Variants in CUL1 observed in about 807,000 individuals in gnomAD.
The protein encoded by CUL1 is cullin 1.
CUL1 carries 24 observed loss-of-function variants against 118.0 expected under a neutral mutation model. The observed-to-expected ratio is 0.20, with a 90% CI of 0.15 to 0.29. CUL1 has a LOEUF of 0.29. Ranked by LOEUF, CUL1 falls within the 10% of genes least tolerant of loss-of-function variation. The pLI is 1.00. For synonymous variants in CUL1, 332 were observed against 340.4 expected (o/e 0.98, Z 0.27); for missense variants, 361 against 933.8 (o/e 0.39, Z 7.99).
rs1413917249 is a variant in CUL1 at position 148,739,363 on chromosome 7, T to A, written c.140+9101T>A. ...CTAAGACTGTGTGTCATCAGAGCTA[T>A]ATAAGATCTGCTTTCACTCCTGCCT... On this transcript the variant is annotated intron_variant, in intron 2 of 21. Coordinates refer to ENST00000325222, the MANE Select transcript of CUL1 (RefSeq NM_003592.3). Among the ~76,000 whole-genome samples the A allele has an allele frequency of 3.9e-5, 6 of 152,216 alleles. No homozygotes were observed. The East Asian group carries it at 1.2e-3, about 29-fold the overall frequency.
At chr7:148,796,158 G>T (rs1218232754) in intron 17 of CUL1, among the ~76,000 whole-genome samples, 1 of 152,130 alleles carries the variant, frequency 6.6e-6, no homozygotes, top group Non-Finnish European at 1.5e-5. Context: ...GACTAAAGAG[G>T]TTCCCTTTTA....
At chr7:148,725,198 T>TACACACACACACACACACAC (rs147863334) in intron 1 of CUL1, among the ~76,000 whole-genome samples, 7 of 106,752 alleles carry the variant, frequency 6.6e-5, no homozygotes, top group African/African-American at 2.2e-4. Context: ...TGCGCGCGTG[T>TACACACACACACACACACAC]ACACACACAC....
intron 1 of CUL1, 92 bp downstream of exon 1, chr7:148,699,121 G>C (rs1349024408): frequency 6.5e-6 from 1 of 152,828 alleles, no homozygotes; most frequent in Non-Finnish European, 1.5e-5. Context: ...CAGTGACTCG[G>C]GCCGCGACGG....
chr7:148,760,954 G>A (rs1234104436), intron 7 of CUL1, among the ~76,000 whole-genome samples: 6 of 152,144 alleles, frequency 3.9e-5, no homozygotes, highest in Non-Finnish European at 8.8e-5. Flanking sequence ...ATGAGAGGAC[G>A]GCTGTCCTCC....
chr7:148,787,242 C>G lies in CUL1; in HGVS notation c.1479+122C>G, dbSNP rs959768091. The G allele has an allele frequency of 2.0e-5, 19 of 930,050 alleles. No individual in the cohort carries two copies. The highest frequency in any genetic ancestry group is 2.7e-5 in the Non-Finnish European group (17 of 626,560). 57.6% of individuals were successfully genotyped at this position (930,050 alleles called of 1,614,324 possible). On this transcript the variant is annotated intron_variant, in intron 13 of 21. Coordinates refer to ENST00000325222, the MANE Select transcript of CUL1 (RefSeq NM_003592.3). This position sits in a 1 kb window ranked among gnomAD's most constrained non-coding sequence, Gnocchi z 5.5. ...CTTTGGGAGGCCGAGGCGGGCAGAT[C>G]ACGAGGTCAGGAGATCGAGACCATC...
chr7:148,730,907 A>G (rs894604246), intron 2 of CUL1, among the ~76,000 whole-genome samples: 15 of 152,148 alleles, frequency 9.9e-5, no homozygotes, highest in African/African-American at 3.6e-4. Context: ...AACTACCTGC[A>G]CTCAAGCAAT....
Position 148,790,378 on chromosome 7 carries a change from G to A in CUL1, c.1743G>A (p.Trp581Ter), listed in dbSNP as rs752032968. 1 of 1,614,058 alleles carries A rather than the reference G, an allele frequency of 6.2e-7. No homozygotes were observed. The highest frequency in any genetic ancestry group is 8.5e-7 in the Non-Finnish European group (1 of 1,179,928). Residue 581 changes from tryptophan to a stop codon, truncating the protein, a stop_gained, in exon 16 of 22, where the codon TGG becomes TGA. Transcript: ENST00000325222. LOFTEE classifies it high-confidence loss of function. ...ASRHSGRKLT[W>*]LYQLSKGELV... ...GCCACAGTGGCCGAAAATTGACGTG[G>A]TTATATCAGTTGTCTAAAGGAGAAT...
chr7:148,788,788 C>A, intron 14 of CUL1, 114 bp downstream of exon 14: 1 of 739,582 alleles, frequency 1.4e-6, no homozygotes, highest in East Asian at 2.5e-5. Context: ...AATTCAAGAA[C>A]TAAGAAGCGG....
At chr7:148,766,144 T>C (rs1424419060) in intron 7 of CUL1, among the ~76,000 whole-genome samples, 1 of 152,244 alleles carries the variant, frequency 6.6e-6, no homozygotes, top group Non-Finnish European at 1.5e-5. Context: ...CTTTCTGTTT[T>C]TTGAGAAACG....
Position 148,767,740 on chromosome 7 carries a change from T to G in CUL1, c.1074T>G (p.Ala358=), listed in dbSNP as rs1800053970. ...CAGCCATTGAAAAGTGTGGAGAAGC[T>G]GCTTTAAATGTAAGTGAGATTTCAT... The part of the protein sequence containing the change: ...GLAAIEKCGE[A]ALNDPKMYVQ... Residue 358 remains alanine, a synonymous_variant, in exon 9 of 22, where the codon GCT becomes GCG. Transcript: ENST00000325222. The G allele has an allele frequency of 6.2e-7, 1 of 1,612,192 alleles. No homozygotes were observed. The highest frequency in any genetic ancestry group is 2.2e-5 in the East Asian group (1 of 44,822).
chr7:148,768,976 C>A (rs191648333), intron 9 of CUL1, among the ~76,000 whole-genome samples: 1 of 151,892 alleles, frequency 6.6e-6, no homozygotes, highest in Non-Finnish European at 1.5e-5. Context: ...CTGGCTCAGC[C>A]GTGGATTTTA....
chr7:148,795,541 C>T (rs986818818), intron 17 of CUL1, among the ~76,000 whole-genome samples: 5 of 151,896 alleles, frequency 3.3e-5, no homozygotes, highest in African/African-American at 4.8e-5. Context: ...CCGAGGCGGG[C>T]GGATCACGAG....
At chr7:148,732,758 C>T (rs1051394602) in intron 2 of CUL1, among the ~76,000 whole-genome samples, 13 of 152,090 alleles carry the variant, frequency 8.5e-5, no homozygotes, top group African/African-American at 2.4e-4. Context: ...TTCTTGTATT[C>T]TACAAATAAT....
Position 148,722,936 on chromosome 7 carries a change from T to C in CUL1, c.-161-7026T>C, listed in dbSNP as rs1019781654. On this transcript the variant is annotated intron_variant, in intron 1 of 21. Coordinates refer to ENST00000325222, the MANE Select transcript of CUL1 (RefSeq NM_003592.3). ...CCTAATCATGCCCTTTGCAGCCTTC[T>C]TACTCCTTCACAGCCCACATGCTCA... is the stretch of plus-strand genomic sequence containing the variant. Among the ~76,000 whole-genome samples the C allele has an allele frequency of 5.9e-5, 9 of 152,248 alleles. No homozygotes were observed. The South Asian group carries it at 1.2e-3, about 21-fold the overall frequency.
In CUL1 at chr7:148,751,551, A is replaced by AC. The variant is rs796743366; in HGVS notation, c.141-2425_141-2424insC. ...CTCTGTCTCAAAAAAAAAAAAAAAA[A>AC]AAACCTCTCTTGTCACTTTGTCACT... On this transcript the variant is annotated intron_variant, in intron 2 of 21. Coordinates refer to ENST00000325222, the MANE Select transcript of CUL1 (RefSeq NM_003592.3). Among the ~76,000 whole-genome samples the AC allele has an allele frequency of 1.8e-3, 263 of 148,992 alleles. 2 individuals carry two copies. Among genetic ancestry groups the AC allele is most frequent in the South Asian group, 6.2e-3 (29 of 4,686 alleles).
At chr7:148,712,845 T>C (rs1798092976) in intron 1 of CUL1, among the ~76,000 whole-genome samples, 1 of 152,210 alleles carries the variant, frequency 6.6e-6, no homozygotes, top group African/African-American at 2.4e-5. Flanking sequence ...CGCATTTCCA[T>C]ATTAGCTGTT....
chr7:148,783,258 T>A (rs996417613), intron 9 of CUL1: 15 of 890,650 alleles, frequency 1.7e-5, no homozygotes, highest in Non-Finnish European at 2.0e-5. Flanking sequence ...CCTCTTCCCG[T>A]CCTGCGATGA....
At chr7:148,750,441 C>G (rs1296932912) in intron 2 of CUL1, among the ~76,000 whole-genome samples, 1 of 152,064 alleles carries the variant, frequency 6.6e-6, no homozygotes, top group Non-Finnish European at 1.5e-5. Flanking sequence ...TGATGCTGTC[C>G]CTTCCCTAGC....
chr7:148,702,601 A>G (rs1797753891), intron 1 of CUL1, among the ~76,000 whole-genome samples: 1 of 152,190 alleles, frequency 6.6e-6, no homozygotes, highest in South Asian at 2.1e-4. Flanking sequence ...TGGACCAAGT[A>G]AGCACTGGTC....
Sources: allele counts gnomAD v4.1 joint callset (sites outside exome capture counted in the v4.1 genomes callset), GRCh38; gene constraint gnomAD v4.1.1; non-coding constraint Gnocchi (gnomAD v3.1); transcripts MANE v1.5; gene names NCBI Gene and HGNC (gene_info 2026-07-23, HGNC 2026-07-21).